The following DAAM1 variants were observed in gnomAD, a reference collection of about 807,000 sequenced individuals.
DAAM1 encodes the protein dishevelled associated activator of morphogenesis 1, also known as disheveled-associated activator of morphogenesis 1.
Under a neutral mutation model 130.0 loss-of-function variants are expected in DAAM1, and 52 were observed. The observed-to-expected ratio is 0.40, with a 90% CI of 0.32 to 0.50. The LOEUF (loss-of-function observed/expected upper bound fraction) is 0.50. DAAM1 is among the 20% of genes least tolerant of loss of function. The pLI, the probability that DAAM1 is intolerant of heterozygous loss-of-function variation, is 0.61. For missense variants in DAAM1, 1,134 were observed against 1,303.8 expected, an observed-to-expected ratio of 0.87 and a Z score of 2.01; for synonymous variants, 452 against 444.5, an observed-to-expected ratio of 1.02 and a Z score of -0.21.
intron 8 of DAAM1, 64 bp from the exon 9 acceptor site, chr14:59,325,600 C>A: frequency 7.3e-7 from 1 of 1,374,644 alleles, no homozygotes; most frequent in Non-Finnish European, 1.0e-6. Flanking sequence ...TTAATGTCCT[C>A]AGTCTTATGC....
chr14:59,223,218 G>A (rs1326105548), intron 1 of DAAM1, among the ~76,000 whole-genome samples: 2 of 152,212 alleles, frequency 1.3e-5, no homozygotes, highest in African/African-American at 2.4e-5. Flanking sequence ...ATCTGCTTTC[G>A]CCTGATCGTG....
intron 12 of DAAM1, among the ~76,000 whole-genome samples, chr14:59,329,822 C>A (rs922345975): frequency 1.8e-4 from 27 of 152,156 alleles, no homozygotes; most frequent in African/African-American, 6.5e-4. Flanking sequence ...CCCTGTGTTA[C>A]CATGATTTTC....
rs551170138 is a variant in DAAM1, at chr14:59,271,518, A to C, written c.183+7858A>C. Among the ~76,000 whole-genome samples the C allele has an allele frequency of 1.4e-4, 21 of 152,320 alleles. No homozygotes were observed. In the East Asian group the frequency reaches 3.9e-3, roughly 28 times the overall value. On this transcript the variant is annotated intron_variant, in intron 2 of 24. Coordinates refer to ENST00000360909, the MANE Select transcript of DAAM1 (RefSeq NM_001270520.2). The stretch of plus-strand genomic sequence containing the variant: ...TGAAAGAATTTAGATGATATATCAG[A>C]TTTAGATAAATTCACAGTCAAGGTA...
At chr14:59,348,637 G>C (rs573096205) in intron 17 of DAAM1, among the ~76,000 whole-genome samples, 1 of 152,322 alleles carries the variant, frequency 6.6e-6, no homozygotes, top group African/African-American at 2.4e-5. Context: ...TGAACTCCAG[G>C]TTGCATCTGT....
Position 59,331,914 on chromosome 14 carries a change from A to G in DAAM1, c.1962A>G (p.Arg654=), listed in dbSNP as rs1594829688. Residue 654 remains arginine (R), a synonymous_variant, in exon 15 of 25, where the codon AGA becomes AGG. Transcript: ENST00000360909. ...DLERTFSAYQ[R]QQKEADAIDD... ...AAAGAACCTTCTCTGCCTATCAAAGACAGCAGGTAACAGCATATGCCCTCC... is the reference window on the plus strand; with the variant it reads ...AAAGAACCTTCTCTGCCTATCAAAGGCAGCAGGTAACAGCATATGCCCTCC... 6.2e-7 allele frequency: 1 copy of G among 1,613,066 alleles called. No individual in the cohort carries two copies. The highest frequency in any genetic ancestry group is 8.5e-7 in the Non-Finnish European group (1 of 1,179,436).
chr14:59,328,428 T>C (rs1885292747), intron 12 of DAAM1, among the ~76,000 whole-genome samples: 1 of 152,196 alleles, frequency 6.6e-6, no homozygotes, highest in Admixed American at 6.5e-5. Context: ...GCATGGAGAC[T>C]CAAGTGTGCA....
At chr14:59,301,799 C>T (rs1884182511) in intron 3 of DAAM1, among the ~76,000 whole-genome samples, 1 of 152,196 alleles carries the variant, frequency 6.6e-6, no homozygotes, top group Admixed American at 6.5e-5. Flanking sequence ...GTCTATCCCC[C>T]ATTCCTAAAT....
chr14:59,206,180 A>C (rs1384643861), intron 1 of DAAM1, among the ~76,000 whole-genome samples: 2 of 152,114 alleles, frequency 1.3e-5, no homozygotes, highest in African/African-American at 4.8e-5. Context: ...ACTATGTGCA[A>C]ATGGAGAACC....
intron 2 of DAAM1, chr14:59,266,056 C>G (rs1882423027): frequency 6.6e-6 from 1 of 151,960 alleles, no homozygotes; most frequent in South Asian, 2.1e-4. Context: ...GAATCATCTA[C>G]CAAGACAGCA....
chr14:59,254,534 A>G lies in DAAM1; in HGVS notation c.-37-8907A>G, dbSNP rs1188832005. 4.6e-5 allele frequency among the ~76,000 whole-genome samples: 7 copies of G among 152,154 alleles called. 1 individual carries two copies. In the South Asian group the frequency reaches 1.2e-3, roughly 27 times the overall value. Reference sequence around the variant, plus strand: ...TTTGCATTTCTTTTGACTTCAGCTTACATTTGTTTATTGACTTAACTCACA... The same window carrying G: ...TTTGCATTTCTTTTGACTTCAGCTTGCATTTGTTTATTGACTTAACTCACA... On this transcript the variant is annotated intron_variant, in intron 1 of 24. Transcript: ENST00000360909.
chr14:59,250,408 A>G (rs915515529), intron 1 of DAAM1, among the ~76,000 whole-genome samples: 6 of 152,234 alleles, frequency 3.9e-5, no homozygotes, highest in African/African-American at 1.4e-4. Flanking sequence ...TTGTGGATGT[A>G]CAAATGAGTA....
At chr14:59,200,782 G>T (rs1295613777) in intron 1 of DAAM1, among the ~76,000 whole-genome samples, 1 of 152,166 alleles carries the variant, frequency 6.6e-6, no homozygotes, top group Admixed American at 6.5e-5. Flanking sequence ...GCATCAGAAT[G>T]TTCGCAGTGG....
intron 1 of DAAM1, among the ~76,000 whole-genome samples, chr14:59,217,449 G>C (rs1190859005): frequency 2.0e-5 from 3 of 152,134 alleles, no homozygotes; most frequent in Non-Finnish European, 4.4e-5. Context: ...ACCAGAGTTG[G>C]TAAAAGTTTG....
chr14:59,239,641 C>A (rs969012565), intron 1 of DAAM1, among the ~76,000 whole-genome samples: 1 of 152,102 alleles, frequency 6.6e-6, no homozygotes, highest in Non-Finnish European at 1.5e-5. Context: ...CGCGCCCCCA[C>A]CCCGATCCTT....
chr14:59,291,766 A>G (rs1184382150), intron 3 of DAAM1, among the ~76,000 whole-genome samples: 1 of 152,170 alleles, frequency 6.6e-6, no homozygotes, highest in Non-Finnish European at 1.5e-5. Context: ...GAAGAAAGGA[A>G]AGGAAGCACA....
intron 2 of DAAM1, among the ~76,000 whole-genome samples, chr14:59,290,545 AGTTAGT>A (rs1261280705): frequency 6.6e-6 from 1 of 152,210 alleles, no homozygotes; most frequent in Non-Finnish European, 1.5e-5. Flanking sequence ...AGTAAATATC[AGTTAGT>A]GTTTATGCAA....
chr14:59,210,869 A>G lies in DAAM1; in HGVS notation c.-38+22101A>G, dbSNP rs75924624. Among the ~76,000 whole-genome samples the G allele has an allele frequency of 2.2e-3, 331 of 152,356 alleles. 2 individuals are homozygous for G. The highest frequency in any genetic ancestry group is 7.5e-3 in the African/African-American group (313 of 41,588). On this transcript the variant is annotated intron_variant, in intron 1 of 24. Transcript: ENST00000360909. ...ATGAAATAATCCAAATATTATGAGG[A>G]GAGAGGGAGAAGTTTATATTATAAT...
intron 1 of DAAM1, among the ~76,000 whole-genome samples, chr14:59,222,467 G>A (rs1351390795): frequency 2.0e-5 from 3 of 152,198 alleles, no homozygotes; most frequent in African/African-American, 4.8e-5. Context: ...CCATAAAGGG[G>A]GCTCAGTGTT....
intron 2 of DAAM1, among the ~76,000 whole-genome samples, chr14:59,275,804 G>A (rs943188208): frequency 2.0e-5 from 3 of 152,148 alleles, no homozygotes; most frequent in Non-Finnish European, 4.4e-5. Flanking sequence ...TTTGCTTGTG[G>A]TGTTTCTCAC....
Sources: allele counts gnomAD v4.1 joint callset (sites outside exome capture counted in the v4.1 genomes callset), GRCh38; gene constraint gnomAD v4.1.1; transcripts MANE v1.5; gene names NCBI Gene and HGNC (gene_info 2026-07-23, HGNC 2026-07-21).